RBL1: variants seen among roughly 807,000 people sequenced by gnomAD.
The protein encoded by RBL1 is RB transcriptional corepressor like 1.
In RBL1, 82 loss-of-function variants were observed where a neutral mutation model predicts 123.0. That is an observed-to-expected ratio of 0.67 (90% CI 0.56 to 0.80). The LOEUF (loss-of-function observed/expected upper bound fraction) is 0.80. Among genes scored for constraint, RBL1 ranks in the 30% least tolerant of loss-of-function variants. RBL1 has a pLI of 0.00. For missense variants in RBL1, 1,171 were observed against 1,299.6 expected, an observed-to-expected ratio of 0.90 and a Z score of 1.52; for synonymous variants, 405 against 441.3, an observed-to-expected ratio of 0.92 and a Z score of 1.03.
intron 21 of RBL1, 56 bp downstream of exon 21, chr20:37,003,646 G>A (rs1205199129): frequency 1.3e-6 from 2 of 1,490,156 alleles, no homozygotes; most frequent in African/African-American, 2.8e-5. Flanking sequence ...AAAGAGGCAG[G>A]ATTAACAGTT....
intron 16 of RBL1, among the ~76,000 whole-genome samples, chr20:37,026,504 G>A (rs2064424780): frequency 6.6e-6 from 1 of 151,678 alleles, no homozygotes; most frequent in Admixed American, 6.6e-5. Context: ...AGAAGTTCAA[G>A]ATCAGCCTGG....
chr20:37,073,144 C>T (rs537656724), intron 2 of RBL1, among the ~76,000 whole-genome samples: 1 of 152,100 alleles, frequency 6.6e-6, no homozygotes, highest in African/African-American at 2.4e-5. Context: ...TTTTTAGAGA[C>T]AGGGGTATCA....
intron 13 of RBL1, among the ~76,000 whole-genome samples, chr20:37,043,863 CG>C (rs1406582100): frequency 6.6e-6 from 1 of 151,822 alleles, no homozygotes; most frequent in African/African-American, 2.4e-5. Context: ...GGAGAAGATT[CG>C]GGGGTAGGGA....
At chr20:37,001,320 G>A (rs1054365311) in intron 21 of RBL1, among the ~76,000 whole-genome samples, 1 of 151,888 alleles carries the variant, frequency 6.6e-6, no homozygotes, top group East Asian at 1.9e-4. Context: ...GAATAGAAAG[G>A]GGGGAAAGGT....
intron 2 of RBL1, among the ~76,000 whole-genome samples, chr20:37,083,006 A>C (rs2065476329): frequency 6.6e-6 from 1 of 152,164 alleles, no homozygotes; most frequent in South Asian, 2.1e-4. Flanking sequence ...TGACTCAAAT[A>C]ATAATAAAAG....
At chr20:37,004,773 A>C (rs2064043649) in intron 20 of RBL1, among the ~76,000 whole-genome samples, 2 of 149,994 alleles carry the variant, frequency 1.3e-5, no homozygotes, top group Admixed American at 1.3e-4. Context: ...CACTCCTATA[A>C]TCCCAGCACT....
In RBL1 at chr20:37,003,771, C is replaced by T. The variant is rs533632665; in HGVS notation, c.2967G>A (p.Pro989=). ...GTGTAAGGCCTGACCCATTCTTGTG[C>T]GGGGAAATATAAATGGAGTGCTGCT... The part of the protein sequence containing the change: ...ISQQHSIYIS[P]HKNGSGLTPR... Residue 989 remains proline (P), a synonymous_variant, in exon 21 of 22, where the codon CCG becomes CCA. Transcript: ENST00000373664. The T allele has an allele frequency of 4.2e-5, 67 of 1,613,860 alleles. No homozygotes were observed. Among genetic ancestry groups the T allele is most frequent in the African/African-American group, 6.7e-5 (5 of 74,990 alleles).
intron 1 of RBL1, among the ~76,000 whole-genome samples, chr20:37,089,724 A>G (rs2065616337): frequency 6.6e-6 from 1 of 152,140 alleles, no homozygotes. Flanking sequence ...CATATGCCAC[A>G]TAACATCTTG....
chr20:37,066,318 A>C (rs1283118808), intron 6 of RBL1, among the ~76,000 whole-genome samples: 1 of 152,236 alleles, frequency 6.6e-6, no homozygotes, highest in Non-Finnish European at 1.5e-5. Flanking sequence ...ATTTACATGG[A>C]ATTAAAACTG....
Position 37,018,295 on chromosome 20 carries a change from A to G in RBL1, c.2706T>C (p.Phe902=). 1 of 1,611,058 alleles carries G rather than the reference A, an allele frequency of 6.2e-7. No homozygotes were observed. The highest frequency in any genetic ancestry group is 2.2e-5 in the East Asian group (1 of 44,748). ...VAYNKNINDD[F]EMIDCDLEDA... is the part of the protein sequence containing the mutation. ...ATAACTTACCACAATCTATCATTTCAAAGTCATCATTTATATTTTTATTAT... is the reference window on the plus strand; with the variant it reads ...ATAACTTACCACAATCTATCATTTCGAAGTCATCATTTATATTTTTATTAT... The change falls in exon 19 of 22, where the codon TTT becomes TTC. Residue 902 remains phenylalanine, a synonymous_variant. Transcript: ENST00000373664.
chr20:37,054,698 C>T (rs1037398176), intron 11 of RBL1, among the ~76,000 whole-genome samples: 1 of 151,326 alleles, frequency 6.6e-6, no homozygotes, highest in Non-Finnish European at 1.5e-5. Context: ...GGCGTGGTGG[C>T]GGGCGCCTGT....
In RBL1 at chr20:37,068,025, T is replaced by C. The variant is rs543158530; in HGVS notation, c.452A>G (p.Tyr151Cys). 1.4e-5 allele frequency: 23 copies of C among 1,613,864 alleles called. No individual in the cohort carries two copies. The South Asian group carries it at 2.0e-4, about 14-fold the overall frequency. The stretch of plus-strand genomic sequence containing the variant: ...TCGTGGTAACTTTGGTGGTTCTTCA[T>C]ATGGATTTTGAAATATATCTAAAAA... ...PIFLDIFQNP[Y>C]EEPPKLPRSR... is the part of the protein sequence containing the mutation. The change falls in exon 3 of 22, where the codon TAT becomes TGT. Residue 151 changes from tyrosine to cysteine, a missense_variant. Tyr to Cys is a radical substitution (Grantham distance 194, BLOSUM62 -2). Coordinates refer to ENST00000373664, the MANE Select transcript of RBL1 (RefSeq NM_002895.5).
At chr20:37,021,145 A>G (rs2064334511) in intron 17 of RBL1, among the ~76,000 whole-genome samples, 1 of 152,242 alleles carries the variant, frequency 6.6e-6, no homozygotes, top group Non-Finnish European at 1.5e-5. Context: ...AATCAAACTG[A>G]GTGGCTATTA....
Position 37,068,206 on chromosome 20 carries a change from GA to G in RBL1, c.291-21del. The stretch of plus-strand genomic sequence containing the variant: ...ATTAAACTAAAAAAAAAAAGGAGGA[GA>G]AAAAAGGCACCTTTAAAATTCATTT... On this transcript the variant is annotated intron_variant, in intron 2 of 21. Transcript: ENST00000373664. 1.3e-6 allele frequency: 2 copies of G among 1,531,054 alleles called. No homozygotes were observed. Among genetic ancestry groups the G allele is most frequent in the Non-Finnish European group, 1.7e-6 (2 of 1,143,850 alleles). The allele number at this position is 1,531,054 out of a possible 1,614,324, so 94.8% of individuals were successfully genotyped here. A position where few individuals can be genotyped will look rare whatever the true frequency, so the allele number is the denominator to read the frequency against.
At chr20:37,059,861 A>C (rs1305123940) in intron 9 of RBL1, among the ~76,000 whole-genome samples, 6 of 152,200 alleles carry the variant, frequency 3.9e-5, no homozygotes, top group African/African-American at 9.6e-5. Flanking sequence ...AAAAAACAAA[A>C]AAAAAAACTG....
chr20:37,085,325 G>GGT (rs1399463201), intron 2 of RBL1, among the ~76,000 whole-genome samples: 1 of 151,304 alleles, frequency 6.6e-6, no homozygotes, highest in Admixed American at 6.6e-5. Context: ...TAGTAAAGAC[G>GGT]GTGTTTCATC....
In RBL1 at chr20:37,055,558, T is replaced by C. The variant is rs1201225310; in HGVS notation, c.1462A>G (p.Met488Val). The change falls in exon 11 of 22, where the codon ATG becomes GTG. Residue 488 changes from methionine to valine, a missense_variant. Physicochemically the swap from Met to Val is conservative, Grantham distance 21. Transcript: ENST00000373664. ...CAGAGAGTGGATTTACTTACTGACA[T>C]GTCCATTCCATGAAGTCTTCGTGTT... is the stretch of plus-strand genomic sequence containing the variant. ...QETRRLHGMDMSVLLEQDIFH... is the reference protein window; with the variant it reads ...QETRRLHGMDVSVLLEQDIFH... The C allele has an allele frequency of 5.0e-6, 8 of 1,614,002 alleles. No homozygotes were observed. The African/African-American group carries it at 1.1e-4, about 22-fold the overall frequency.
At chr20:37,013,751 T>G (rs867600185) in intron 19 of RBL1, among the ~76,000 whole-genome samples, 1 of 152,148 alleles carries the variant, frequency 6.6e-6, no homozygotes, top group Non-Finnish European at 1.5e-5. Flanking sequence ...GGTATTTGCT[T>G]GATGGTAGCC....
At chr20:37,015,592 G>A (rs778117806) in intron 19 of RBL1, among the ~76,000 whole-genome samples, 24 of 152,008 alleles carry the variant, frequency 1.6e-4, no homozygotes, top group Non-Finnish European at 2.5e-4. Flanking sequence ...CACCACGCCC[G>A]GAGAATTTTT....
Sources: allele counts gnomAD v4.1 joint callset (sites outside exome capture counted in the v4.1 genomes callset), GRCh38; gene constraint gnomAD v4.1.1; transcripts MANE v1.5; gene names NCBI Gene and HGNC (gene_info 2026-07-23, HGNC 2026-07-21).